FAM178B: variants seen among roughly 807,000 people sequenced by gnomAD.
The protein encoded by FAM178B is family with sequence similarity 178 member B, also known as protein FAM178B.
FAM178B carries 82 observed loss-of-function variants against 91.7 expected under a neutral mutation model. The observed-to-expected ratio is 0.89, with a 90% CI of 0.75 to 1.07. The LOEUF (loss-of-function observed/expected upper bound fraction) is 1.07. Among genes scored for constraint, FAM178B ranks in the 50% least tolerant of loss-of-function variants. The pLI, the probability that FAM178B is intolerant of heterozygous loss-of-function variation, is 0.00. For missense variants in FAM178B, 769 were observed against 846.7 expected (o/e 0.91, Z 1.14); for synonymous variants, 368 against 359.4 (o/e 1.02, Z -0.27).
chr2:96,930,952 T>C (rs760260458), intron 8 of FAM178B, among the ~76,000 whole-genome samples: 26 of 152,130 alleles, frequency 1.7e-4, no homozygotes, highest in Non-Finnish European at 3.4e-4. Flanking sequence ...AGACACCAAA[T>C]TTGCTGGTAC....
At chr2:96,928,766 T>C (rs1206792196) in intron 9 of FAM178B, among the ~76,000 whole-genome samples, 3 of 152,090 alleles carry the variant, frequency 2.0e-5, no homozygotes, top group Admixed American at 6.5e-5. Context: ...CCTGGTGTGA[T>C]ACTCAGATCC....
chr2:96,933,158 G>A (rs1217603120), intron 8 of FAM178B, among the ~76,000 whole-genome samples: 1 of 152,018 alleles, frequency 6.6e-6, no homozygotes, highest in Non-Finnish European at 1.5e-5. Context: ...CAGGAGAACT[G>A]CTTAAACCCA....
chr2:96,974,381 CAAAA>C (rs1171601429), intron 1 of FAM178B, among the ~76,000 whole-genome samples: 2 of 16,232 alleles, frequency 1.2e-4, no homozygotes, highest in Non-Finnish European at 2.4e-4. Flanking sequence ...GACTCCATCT[CAAAA>C]AAAAAAAAAA....
chr2:96,968,765 C>G (rs973354013), intron 4 of FAM178B, among the ~76,000 whole-genome samples: 2 of 152,150 alleles, frequency 1.3e-5, no homozygotes, highest in Admixed American at 1.3e-4. Flanking sequence ...CCAAATGCAG[C>G]CTGCAGTTTC....
chr2:96,973,208 A>G (rs2082247286), intron 1 of FAM178B, among the ~76,000 whole-genome samples: 1 of 7,796 alleles, frequency 1.3e-4, no homozygotes, highest in Admixed American at 5.2e-4. Context: ...CTCCATTTCA[A>G]AAAAAAAAAA....
intron 9 of FAM178B, among the ~76,000 whole-genome samples, chr2:96,926,134 TCTCTA>T (rs2081434230): frequency 6.6e-6 from 1 of 152,088 alleles, no homozygotes; most frequent in South Asian, 2.1e-4. Context: ...TGAAACCCCA[TCTCTA>T]CTAAAAATAC....
chr2:96,915,685 A>G (rs968770962), intron 12 of FAM178B, among the ~76,000 whole-genome samples: 2 of 151,938 alleles, frequency 1.3e-5, no homozygotes, highest in Non-Finnish European at 2.9e-5. Flanking sequence ...GTGTGGTGGC[A>G]CGCACCTGTA....
intron 8 of FAM178B, among the ~76,000 whole-genome samples, chr2:96,943,837 C>A (rs1432680381): frequency 6.6e-6 from 1 of 152,108 alleles, no homozygotes; most frequent in African/African-American, 2.4e-5. Flanking sequence ...GATACTCCGC[C>A]CAAAGGCTGC....
At chr2:96,961,052 G>A (rs545667141) in intron 5 of FAM178B, among the ~76,000 whole-genome samples, 1 of 152,302 alleles carries the variant, frequency 6.6e-6, no homozygotes, top group Non-Finnish European at 1.5e-5. Context: ...CTGCAATGCA[G>A]ATCCTGGGCC....
chr2:96,907,210 G>A (rs547298017), intron 12 of FAM178B, among the ~76,000 whole-genome samples: 14 of 152,252 alleles, frequency 9.2e-5, no homozygotes, highest in South Asian at 2.1e-4. Flanking sequence ...TTTAAACCCC[G>A]TCCTGCATTC....
At chr2:96,945,552 G>A (rs1395829343) in intron 8 of FAM178B, among the ~76,000 whole-genome samples, 1 of 151,806 alleles carries the variant, frequency 6.6e-6, no homozygotes, top group African/African-American at 2.4e-5. Flanking sequence ...AAACACACAC[G>A]TGCGCGCGCA....
At chr2:96,945,110 G>A (rs2081800960) in intron 8 of FAM178B, among the ~76,000 whole-genome samples, 2 of 152,186 alleles carry the variant, frequency 1.3e-5, no homozygotes, top group East Asian at 3.8e-4. Context: ...CTTGAGGAAG[G>A]AGGTGCTCAA....
At chr2:96,951,346 C>A in intron 7 of FAM178B, 33 bp downstream of exon 7, 3 of 1,501,184 alleles carry the variant, frequency 2.0e-6, no homozygotes, top group Non-Finnish European at 2.7e-6. Flanking sequence ...CTGCAGCGCT[C>A]CCGCCACCTA....
chr2:96,927,382 G>A (rs547705630), intron 9 of FAM178B, among the ~76,000 whole-genome samples: 25 of 152,320 alleles, frequency 1.6e-4, no homozygotes, highest in African/African-American at 6.0e-4. Flanking sequence ...GTCCTCGAGG[G>A]TAGTTCTGAA....
At chr2:96,978,154 G>T (rs2082316842) in intron 1 of FAM178B, among the ~76,000 whole-genome samples, 1 of 152,120 alleles carries the variant, frequency 6.6e-6, no homozygotes. Context: ...CTAGCACTCA[G>T]CCCATGGCCT....
chr2:96,959,030 C>T (rs1393974130), intron 6 of FAM178B, among the ~76,000 whole-genome samples: 1 of 151,656 alleles, frequency 6.6e-6, no homozygotes, highest in Non-Finnish European at 1.5e-5. Flanking sequence ...GAAACCCCGT[C>T]TCTACTAAAA....
In FAM178B at chr2:96,902,670, G is replaced by C; in HGVS notation, c.1600C>G (p.Arg534Gly). The C allele has an allele frequency of 4.5e-6, 7 of 1,550,816 alleles. No homozygotes were observed. The highest frequency in any genetic ancestry group is 6.1e-6 in the Non-Finnish European group (7 of 1,146,574). Reference protein sequence around the residue: ...RSQLSLVVIARMLGQQEMLPL... With the variant: ...RSQLSLVVIAGMLGQQEMLPL... ...AGCATCTCCTGCTGGCCCAGCATTC[G>C]AGCAATGACCACAAGGCTGAGCTGG... is the stretch of plus-strand genomic sequence containing the variant. Residue 534 changes from arginine to glycine, a missense_variant, in exon 13 of 17, where the codon CGA becomes GGA. Transcript: ENST00000490605.
intron 9 of FAM178B, 24 bp from the exon 10 acceptor site, chr2:96,923,607 C>G (rs369122312): frequency 6.5e-7 from 1 of 1,539,694 alleles, no homozygotes; most frequent in Non-Finnish European, 8.8e-7. Flanking sequence ...ACAACAGTGA[C>G]GATGGGAAAC....
At chr2:96,934,644 GTGCCAC>G (rs2081595488) in intron 8 of FAM178B, among the ~76,000 whole-genome samples, 2 of 152,204 alleles carry the variant, frequency 1.3e-5, no homozygotes, top group Admixed American at 1.3e-4. Flanking sequence ...CTCCCAAAGA[GTGCCAC>G]TGCCTCTCCT....
Sources: allele counts gnomAD v4.1 joint callset (sites outside exome capture counted in the v4.1 genomes callset), GRCh38; gene constraint gnomAD v4.1.1; transcripts MANE v1.5; gene names NCBI Gene and HGNC (gene_info 2026-07-23, HGNC 2026-07-21).